Variants in ATXN1 observed in about 807,000 individuals in gnomAD.
ATXN1 encodes ataxin 1, also known as ataxin-1.
A neutral mutation model predicts 56.4 loss-of-function variants in ATXN1; 8 were observed. That is an observed-to-expected ratio of 0.14 (90% CI 0.08 to 0.26). The LOEUF (loss-of-function observed/expected upper bound fraction) is 0.26, where lower values mean the gene tolerates loss of function less well. Among genes scored for constraint, ATXN1 ranks in the 10% least tolerant of loss-of-function variants. ATXN1 has a pLI of 1.00. For synonymous variants in ATXN1, 514 were observed against 494.6 expected, an observed-to-expected ratio of 1.04 and a Z score of -0.52; for missense variants, 987 against 1,106.5, an observed-to-expected ratio of 0.89 and a Z score of 1.53.
rs141758568 is a variant in ATXN1, at chr6:16,327,825, G to A, written c.486C>T (p.Ala162=). 2.2e-5 allele frequency: 36 copies of A among 1,608,986 alleles called. 1 individual carries two copies. In the South Asian group the frequency reaches 2.4e-4, roughly 11 times the overall value. Residue 162 remains alanine (A), a synonymous_variant, in exon 7 of 8, where the codon GCC becomes GCT. Transcript: ENST00000436367. ...GCTGGGATGGAGTGGTGGCCCCTGC[G>A]GCCGAGGCCACTGCACTGGTGACGG... The part of the protein sequence containing the change: ...ANPVTSAVAS[A]AGATTPSQRS...
At chr6:16,623,365 CA>C (rs138413460) in intron 3 of ATXN1, among the ~76,000 whole-genome samples, 15,078 of 152,144 alleles carry the variant, frequency 0.099, 904 homozygotes, top group Non-Finnish European at 0.15. Context: ...AAACTTGGAC[CA>C]AAATATTCAT....
intron 6 of ATXN1, among the ~76,000 whole-genome samples, chr6:16,424,344 A>G (rs527410860): frequency 6.6e-6 from 1 of 152,308 alleles, no homozygotes; most frequent in South Asian, 2.1e-4. Flanking sequence ...ATTTGGAGCC[A>G]TTTACGCAGC....
chr6:16,513,615 T>C (rs2237187), intron 5 of ATXN1, among the ~76,000 whole-genome samples: 20,437 of 152,124 alleles, frequency 0.13, 1,654 homozygotes, highest in East Asian at 0.21. Flanking sequence ...ATTATGGGGA[T>C]GTAAAAGGGA....
chr6:16,584,279 CATAT>C (rs112137981), intron 4 of ATXN1, among the ~76,000 whole-genome samples: 2 of 141,668 alleles, frequency 1.4e-5, no homozygotes, highest in African/African-American at 2.5e-5. Context: ...CACATATACA[CATAT>C]ATATATATAC....
At chr6:16,391,095 G>A (rs1758345638) in intron 6 of ATXN1, among the ~76,000 whole-genome samples, 2 of 149,408 alleles carry the variant, frequency 1.3e-5, no homozygotes, top group African/African-American at 5.0e-5. Flanking sequence ...CTGGGAGGCG[G>A]AGGTTGCAGT....
At chr6:16,680,949 TG>T (rs1326979980) in intron 2 of ATXN1, among the ~76,000 whole-genome samples, 3 of 152,106 alleles carry the variant, frequency 2.0e-5, no homozygotes, top group Non-Finnish European at 4.4e-5. Flanking sequence ...ATCGATTGAG[TG>T]ATTTCATTAA....
At chr6:16,391,576 T>C (rs1758355817) in intron 6 of ATXN1, among the ~76,000 whole-genome samples, 1 of 148,986 alleles carries the variant, frequency 6.7e-6, no homozygotes, top group Non-Finnish European at 1.5e-5. Context: ...TTCATGAATT[T>C]GTTATCTGTT....
intron 7 of ATXN1, among the ~76,000 whole-genome samples, chr6:16,325,341 C>T (rs1760777777): frequency 6.6e-6 from 1 of 152,062 alleles, no homozygotes. Flanking sequence ...CGGTCTCGAA[C>T]TCCTGACCTC....
chr6:16,456,720 C>G (rs1046858220), intron 6 of ATXN1, among the ~76,000 whole-genome samples: 12 of 152,318 alleles, frequency 7.9e-5, no homozygotes, highest in African/African-American at 2.4e-4. Flanking sequence ...CAAGGTTAGT[C>G]TTGCTTCTAA....
chr6:16,567,133 C>T (rs1762245363), intron 4 of ATXN1, among the ~76,000 whole-genome samples: 1 of 152,232 alleles, frequency 6.6e-6, no homozygotes, highest in Non-Finnish European at 1.5e-5. Flanking sequence ...TTCAAAGGTA[C>T]TTGTCAATTA....
At chr6:16,656,794 A>G (rs1313664172) in intron 3 of ATXN1, among the ~76,000 whole-genome samples, 1 of 152,116 alleles carries the variant, frequency 6.6e-6, no homozygotes, top group Non-Finnish European at 1.5e-5. Context: ...GTACTTTCAC[A>G]GGCCTGGATG....
chr6:16,460,588 G>T (rs978088200), intron 6 of ATXN1, among the ~76,000 whole-genome samples: 1 of 152,166 alleles, frequency 6.6e-6, no homozygotes, highest in African/African-American at 2.4e-5. Context: ...AAATACACAC[G>T]TGTGCAGCCC....
intron 6 of ATXN1, among the ~76,000 whole-genome samples, chr6:16,347,551 CACACCAATCA>C (rs1430158624): frequency 2.6e-5 from 4 of 152,086 alleles, no homozygotes; most frequent in African/African-American, 9.6e-5. Context: ...GGTTTGTAAA[CACACCAATCA>C]GCACCCTGTG....
intron 3 of ATXN1, among the ~76,000 whole-genome samples, chr6:16,653,829 T>C (rs552308625): frequency 3.7e-4 from 56 of 152,326 alleles, no homozygotes; most frequent in Non-Finnish European, 6.8e-4. Context: ...CATGGCTTGA[T>C]GTTGCTTAGG....
intron 3 of ATXN1, among the ~76,000 whole-genome samples, chr6:16,641,949 G>A (rs1001637820): frequency 1.3e-5 from 2 of 152,192 alleles, no homozygotes; most frequent in East Asian, 1.9e-4. Context: ...TCAAGACTTC[G>A]GTGGAGGAAG....
intron 2 of ATXN1, among the ~76,000 whole-genome samples, chr6:16,661,832 C>T (rs527686515): frequency 6.6e-6 from 1 of 152,264 alleles, no homozygotes; most frequent in East Asian, 1.9e-4. Context: ...CAGATCCCTA[C>T]CGCCCCCACC....
chr6:16,342,409 T>C (rs1761270701), intron 6 of ATXN1, among the ~76,000 whole-genome samples: 4 of 151,810 alleles, frequency 2.6e-5, no homozygotes, highest in East Asian at 3.9e-4. Flanking sequence ...CGAGAACCTA[T>C]GTGCATCGTT....
rs867327935 is a variant in ATXN1 at position 16,435,412 on chromosome 6, T to A, written c.-161+50560A>T. On this transcript the variant is annotated intron_variant, in intron 6 of 7. Transcript: ENST00000436367. The stretch of plus-strand genomic sequence containing the variant: ...ACTAAGCCATGAGGAACTCCAACAC[T>A]TAGAGGCGTAGAAAGCAGGTAGAAA... 2.6e-5 allele frequency among the ~76,000 whole-genome samples: 4 copies of A among 151,920 alleles called. No homozygotes were observed. The East Asian group carries it at 7.7e-4, about 29-fold the overall frequency.
chr6:16,483,661 C>A (rs1760483522), intron 6 of ATXN1, among the ~76,000 whole-genome samples: 1 of 152,238 alleles, frequency 6.6e-6, no homozygotes, highest in South Asian at 2.1e-4. Context: ...AAAATTACTT[C>A]AAGTCTGCCA....
Sources: allele counts gnomAD v4.1 joint callset (sites outside exome capture counted in the v4.1 genomes callset), GRCh38; gene constraint gnomAD v4.1.1; transcripts MANE v1.5; gene names NCBI Gene and HGNC (gene_info 2026-07-23, HGNC 2026-07-21).